PJA2: variants seen among roughly 807,000 people sequenced by gnomAD.
PJA2 encodes the protein E3 ubiquitin-protein ligase Praja-2.
A neutral mutation model predicts 69.3 loss-of-function variants in PJA2; 25 were observed. That is an observed-to-expected ratio of 0.36 (90% CI 0.26 to 0.50). The LOEUF (loss-of-function observed/expected upper bound fraction) is 0.50. Ranked by LOEUF, PJA2 falls within the 20% of genes least tolerant of loss-of-function variation. The pLI, the probability that PJA2 is intolerant of heterozygous loss-of-function variation, is 0.96. For missense variants in PJA2, 809 were observed against 830.2 expected, an observed-to-expected ratio of 0.97 and a Z score of 0.31; for synonymous variants, 308 against 277.8, an observed-to-expected ratio of 1.11 and a Z score of -1.08.
Position 109,409,949 on chromosome 5 carries a change from G to A in PJA2, c.-195C>T. 4.7e-6 allele frequency: 1 copy of A among 212,310 alleles called. No homozygotes were observed. Among genetic ancestry groups the A allele is most frequent in the Non-Finnish European group, 9.3e-6 (1 of 107,580 alleles). The allele number at this position is 212,310 out of a possible 1,614,324, so 13.2% of individuals were successfully genotyped here. A position where few individuals can be genotyped will look rare whatever the true frequency, so the allele number is the denominator to read the frequency against. ...TCCCCCGCCGAACGCGAAGCGGCTG[G>A]CGGCTGTGGCGGCGGCGGCGGCGGT... is the stretch of plus-strand genomic sequence containing the variant. On this transcript the variant is annotated 5_prime_UTR_variant, in exon 1 of 10. Coordinates refer to ENST00000361189, the MANE Select transcript of PJA2 (RefSeq NM_014819.5).
chr5:109,366,819 T>C (rs1291766750), intron 5 of PJA2, among the ~76,000 whole-genome samples: 2 of 152,178 alleles, frequency 1.3e-5, no homozygotes, highest in African/African-American at 4.8e-5. Context: ...AAACTAACAG[T>C]GATTAAAGGC....
At chr5:109,353,404 T>TATA (rs1762308641) in intron 7 of PJA2, among the ~76,000 whole-genome samples, 2 of 126,324 alleles carry the variant, frequency 1.6e-5, no homozygotes, top group South Asian at 2.7e-4. Flanking sequence ...ATTAGATACC[T>TATA]ATATCTATAG....
chr5:109,370,246 C>T (rs988302319), intron 4 of PJA2, among the ~76,000 whole-genome samples: 1 of 152,138 alleles, frequency 6.6e-6, no homozygotes, highest in Non-Finnish European at 1.5e-5. Context: ...AAAGATCTCT[C>T]TACGTTCACT....
intron 1 of PJA2, among the ~76,000 whole-genome samples, chr5:109,401,309 G>A (rs1201279317): frequency 6.6e-6 from 1 of 152,016 alleles, no homozygotes; most frequent in Admixed American, 6.6e-5. Flanking sequence ...CACCACCAAT[G>A]ACAGCCTGGG....
At chr5:109,362,228 C>T (rs1466447314) in intron 6 of PJA2, among the ~76,000 whole-genome samples, 2 of 152,186 alleles carry the variant, frequency 1.3e-5, no homozygotes, top group Admixed American at 6.5e-5. Context: ...CTACTATACA[C>T]TTTAAAGATA....
At chr5:109,346,427 A>G (rs147982003) in intron 7 of PJA2, among the ~76,000 whole-genome samples, 601 of 152,364 alleles carry the variant, frequency 3.9e-3, no homozygotes, top group Middle Eastern at 0.01. Flanking sequence ...AAAGAACTGA[A>G]AACAGGGACT....
rs2127023146 is a variant in PJA2, at chr5:109,409,884, T to C, written c.-130A>G. On this transcript the variant is annotated 5_prime_UTR_variant, in exon 1 of 10. Coordinates refer to ENST00000361189, the MANE Select transcript of PJA2 (RefSeq NM_014819.5). Reference sequence around the variant, plus strand: ...CCGGAGCGAGAACAGCGCTCGAACCTCCACCCGCCACCACCGCCTTCTTCT... The same window carrying C: ...CCGGAGCGAGAACAGCGCTCGAACCCCCACCCGCCACCACCGCCTTCTTCT... The C allele has an allele frequency of 6.5e-6, 1 of 154,794 alleles. No individual in the cohort carries two copies. Among genetic ancestry groups the C allele is most frequent in the South Asian group, 1.2e-4 (1 of 8,540 alleles). 9.6% of individuals were successfully genotyped at this position (154,794 alleles called of 1,614,324 possible).
chr5:109,390,503 G>A (rs1747259084), intron 1 of PJA2: 1 of 151,638 alleles, frequency 6.6e-6, no homozygotes, highest in Non-Finnish European at 1.5e-5. Context: ...ATATAGGTAG[G>A]TCTTACTCAC....
chr5:109,389,943 T>C (rs1283092328), intron 1 of PJA2, among the ~76,000 whole-genome samples: 10 of 151,782 alleles, frequency 6.6e-5, no homozygotes, highest in Admixed American at 2.6e-4. Flanking sequence ...TATAATTCTA[T>C]AGTGATCAGA....
rs553288553 is a variant in PJA2 at position 109,406,171 on chromosome 5, G to A, written c.-88+3671C>T. Among the ~76,000 whole-genome samples the A allele has an allele frequency of 2.6e-5, 4 of 151,896 alleles. No individual in the cohort carries two copies. In the East Asian group the frequency reaches 7.8e-4, roughly 29 times the overall value. Reference sequence around the variant, plus strand: ...CCATTATCCTAACTCAGCCGGAGTAGCTGGCACTACAGGTATCCGCCACCA... The same window carrying A: ...CCATTATCCTAACTCAGCCGGAGTAACTGGCACTACAGGTATCCGCCACCA... On this transcript the variant is annotated intron_variant, in intron 1 of 9. Transcript: ENST00000361189.
chr5:109,370,565 T>C (rs1762660501), intron 4 of PJA2, among the ~76,000 whole-genome samples: 1 of 152,204 alleles, frequency 6.6e-6, no homozygotes, highest in Non-Finnish European at 1.5e-5. Flanking sequence ...TAAAAGGTGT[T>C]CTTTCAGCTG....
intron 5 of PJA2, among the ~76,000 whole-genome samples, chr5:109,363,783 G>C (rs1040298721): frequency 6.6e-6 from 1 of 152,002 alleles, no homozygotes; most frequent in African/African-American, 2.4e-5. Flanking sequence ...CAGGAACAGA[G>C]ACACACAAAT....
At chr5:109,356,404 T>C (rs527299191) in intron 6 of PJA2, among the ~76,000 whole-genome samples, 6 of 152,314 alleles carry the variant, frequency 3.9e-5, no homozygotes, top group Admixed American at 6.5e-5. Context: ...TTGTACATCA[T>C]ACTGGCACTC....
At position 109,396,592 on chromosome 5, in the gene PJA2, A is replaced by G. The variant is rs114712712; in HGVS notation, c.-87-13072T>C. ...CAGGCATGCGCCACCACGTCCCGCT[A>G]AATTTTGTATTTTTAGTAGAGACGG... is the stretch of plus-strand genomic sequence containing the variant. On this transcript the variant is annotated intron_variant, in intron 1 of 9. Coordinates refer to ENST00000361189, the MANE Select transcript of PJA2 (RefSeq NM_014819.5). Among the ~76,000 whole-genome samples the G allele has an allele frequency of 6.9e-3, 1,047 of 151,494 alleles. 12 individuals carry two copies. The highest frequency in any genetic ancestry group is 0.024 in the African/African-American group (988 of 41,324).
At chr5:109,361,720 A>C (rs1762509195) in intron 6 of PJA2, among the ~76,000 whole-genome samples, 1 of 152,244 alleles carries the variant, frequency 6.6e-6, no homozygotes. Flanking sequence ...TGTGTTTTAG[A>C]GTATGAGAAT....
intron 1 of PJA2, among the ~76,000 whole-genome samples, chr5:109,397,642 C>T (rs1225991770): frequency 2.0e-5 from 3 of 152,030 alleles, no homozygotes; most frequent in Admixed American, 6.5e-5. Context: ...CCTCAGCCTC[C>T]CAAGCAGCTG....
At chr5:109,408,259 G>A (rs1268834752) in intron 1 of PJA2, among the ~76,000 whole-genome samples, 1 of 151,986 alleles carries the variant, frequency 6.6e-6, no homozygotes, top group Non-Finnish European at 1.5e-5. Context: ...TTAAAATCAA[G>A]GATGAATTAA....
chr5:109,381,197 A>G (rs1356587796), intron 3 of PJA2, among the ~76,000 whole-genome samples: 1 of 152,120 alleles, frequency 6.6e-6, no homozygotes, highest in East Asian at 1.9e-4. Flanking sequence ...ACATTTTTAA[A>G]AATTTCAAAA....
chr5:109,342,640 C>T (rs1486976438), intron 9 of PJA2, among the ~76,000 whole-genome samples: 10 of 108,610 alleles, frequency 9.2e-5, no homozygotes, highest in East Asian at 5.9e-4. Flanking sequence ...CCGCCCCGTC[C>T]GGGAGGGAGG....
Sources: gnomAD v4.1 joint callset for allele counts (sites outside exome capture counted in the v4.1 genomes callset) on GRCh38, gnomAD v4.1.1 for gene constraint, MANE v1.5 for transcripts, NCBI Gene and HGNC (gene_info 2026-07-23, HGNC 2026-07-21) for gene names.